Variants in LUZP2 observed in about 807,000 individuals in gnomAD.
LUZP2 encodes the protein leucine zipper protein 2.
A neutral mutation model predicts 51.6 loss-of-function variants in LUZP2; 52 were observed. The observed-to-expected ratio is 1.01, with a 90% CI of 0.81 to 1.27. The LOEUF (loss-of-function observed/expected upper bound fraction) is 1.27. LUZP2 is among the 50% of genes most tolerant of loss of function. LUZP2 has a pLI of 0.00. For synonymous variants in LUZP2, 154 were observed against 137.3 expected, an observed-to-expected ratio of 1.12 and a Z score of -0.85; for missense variants, 436 against 395.4, an observed-to-expected ratio of 1.10 and a Z score of -0.87.
intron 5 of LUZP2, among the ~76,000 whole-genome samples, chr11:24,801,924 C>G (rs1459377189): frequency 1.3e-5 from 2 of 151,032 alleles, no homozygotes; most frequent in African/African-American, 2.4e-5. Flanking sequence ...TTTTTTTTAA[C>G]TAAAATTTTT....
intron 9 of LUZP2, among the ~76,000 whole-genome samples, chr11:25,048,840 T>A (rs143910617): frequency 0.021 from 3,110 of 151,624 alleles, 40 homozygotes; most frequent in Middle Eastern, 0.038. Context: ...TTAATTAATT[T>A]ATTTATTTAT....
chr11:24,775,146 C>T (rs1848878377), intron 5 of LUZP2, among the ~76,000 whole-genome samples: 1 of 151,996 alleles, frequency 6.6e-6, no homozygotes, highest in Non-Finnish European at 1.5e-5. Flanking sequence ...AGTGTAATGT[C>T]TACTGAAGGC....
intron 2 of LUZP2, among the ~76,000 whole-genome samples, chr11:24,731,593 A>C (rs1858714689): frequency 6.6e-6 from 1 of 151,734 alleles, no homozygotes; most frequent in Admixed American, 6.6e-5. Flanking sequence ...GTCTATAGAG[A>C]CCAGTTACAA....
At chr11:24,958,493 C>T (rs2133874186) in intron 7 of LUZP2, among the ~76,000 whole-genome samples, 1 of 152,298 alleles carries the variant, frequency 6.6e-6, no homozygotes, top group Non-Finnish European at 1.5e-5. Flanking sequence ...TTGCATTTCT[C>T]TGATGGCCAG....
chr11:25,054,360 T>A (rs375569967), intron 10 of LUZP2, among the ~76,000 whole-genome samples: 1 of 152,192 alleles, frequency 6.6e-6, no homozygotes, highest in East Asian at 1.9e-4. Flanking sequence ...ATTTTATTCT[T>A]CATGCTTTTG....
chr11:24,732,228 T>A, intron 3 of LUZP2, 40 bp downstream of exon 3: 1 of 1,455,148 alleles, frequency 6.9e-7, no homozygotes, highest in Non-Finnish European at 9.4e-7. Flanking sequence ...TCTGCCATAG[T>A]GTCAAGCAAC....
intron 9 of LUZP2, among the ~76,000 whole-genome samples, chr11:25,044,728 T>C (rs1470703128): frequency 6.6e-6 from 1 of 151,790 alleles, no homozygotes; most frequent in Non-Finnish European, 1.5e-5. Flanking sequence ...CAAAGGATTA[T>C]AAAACATGCT....
rs5790431 is a variant in LUZP2 at position 24,720,245 on chromosome 11, G to GA, written c.63-8914dup. ...CTCACACAAATTCTTTCAGATAATAGAAAAAAAAAATACTATCCAATTTGT... is the reference window on the plus strand; with the variant it reads ...CTCACACAAATTCTTTCAGATAATAGAAAAAAAAAAATACTATCCAATTTGT... On this transcript the variant is annotated intron_variant, in intron 1 of 11. Coordinates refer to ENST00000336930, the MANE Select transcript of LUZP2 (RefSeq NM_001009909.4). Among the ~76,000 whole-genome samples, 896 of 148,368 alleles carry GA rather than the reference G, an allele frequency of 6.0e-3. 6 individuals are homozygous for GA. Among genetic ancestry groups the GA allele is most frequent in the South Asian group, 0.011 (52 of 4,674 alleles).
intron 1 of LUZP2, among the ~76,000 whole-genome samples, chr11:24,520,647 T>A (rs1850612127): frequency 6.6e-6 from 1 of 152,200 alleles, no homozygotes; most frequent in Admixed American, 6.6e-5. Flanking sequence ...AGAAGTACAA[T>A]GAAGCATAGG....
intron 7 of LUZP2, among the ~76,000 whole-genome samples, chr11:24,927,084 T>A (rs1395181664): frequency 6.6e-6 from 1 of 151,852 alleles, no homozygotes; most frequent in East Asian, 1.9e-4. Flanking sequence ...TTAGCCAAAT[T>A]TTGATGGGAT....
At chr11:24,548,530 A>G (rs906988474) in intron 1 of LUZP2, among the ~76,000 whole-genome samples, 3 of 152,022 alleles carry the variant, frequency 2.0e-5, no homozygotes, top group African/African-American at 7.2e-5. Context: ...GAAGGGAGCA[A>G]TAGACACCAG....
intron 1 of LUZP2, among the ~76,000 whole-genome samples, chr11:24,628,610 G>C (rs1012866248): frequency 3.9e-5 from 6 of 152,030 alleles, no homozygotes; most frequent in Non-Finnish European, 8.8e-5. Context: ...CCAGGCTGGA[G>C]TGCAGTGGTG....
At chr11:24,722,414 C>T (rs1005609277) in intron 1 of LUZP2, among the ~76,000 whole-genome samples, 3 of 152,030 alleles carry the variant, frequency 2.0e-5, no homozygotes, top group Non-Finnish European at 4.4e-5. Flanking sequence ...GAAAGAGATC[C>T]ATCAGATCTC....
At chr11:24,765,629 CTTT>C (rs762443498) in intron 5 of LUZP2, among the ~76,000 whole-genome samples, 3 of 133,036 alleles carry the variant, frequency 2.3e-5, no homozygotes, top group Non-Finnish European at 3.3e-5. Flanking sequence ...TTTCTTTTTT[CTTT>C]TTTTTTTTTT....
At chr11:24,859,786 G>A (rs1355524261) in intron 5 of LUZP2, among the ~76,000 whole-genome samples, 7 of 152,202 alleles carry the variant, frequency 4.6e-5, no homozygotes, top group Non-Finnish European at 7.3e-5. Context: ...CGATGAGTGA[G>A]CCCACTATCC....
intron 5 of LUZP2, among the ~76,000 whole-genome samples, chr11:24,851,415 G>C (rs970460638): frequency 6.6e-6 from 1 of 152,156 alleles, no homozygotes; most frequent in East Asian, 1.9e-4. Flanking sequence ...TTATTGATTT[G>C]TGTATATTAA....
chr11:24,699,152 T>A (rs1301365788), intron 1 of LUZP2, among the ~76,000 whole-genome samples: 1 of 151,136 alleles, frequency 6.6e-6, no homozygotes, highest in Non-Finnish European at 1.5e-5. Flanking sequence ...TCTCTATTCA[T>A]TTGCAAACTA....
chr11:24,851,803 T>C (rs1439641014), intron 5 of LUZP2, among the ~76,000 whole-genome samples: 1 of 152,172 alleles, frequency 6.6e-6, no homozygotes, highest in Non-Finnish European at 1.5e-5. Flanking sequence ...GAACTTCTTA[T>C]TGGTCTATTC....
intron 1 of LUZP2, among the ~76,000 whole-genome samples, chr11:24,612,230 T>C (rs72880644): frequency 0.034 from 5,185 of 152,248 alleles, 124 homozygotes; most frequent in South Asian, 0.12. Context: ...GTTTTACACT[T>C]GGACAAATTA....
Sources: gnomAD v4.1 joint callset for allele counts (sites outside exome capture counted in the v4.1 genomes callset) on GRCh38, gnomAD v4.1.1 for gene constraint, MANE v1.5 for transcripts, NCBI Gene and HGNC (gene_info 2026-07-23, HGNC 2026-07-21) for gene names.